Variants in CDKN1C observed in about 807,000 individuals in gnomAD.
CDKN1C encodes cyclin dependent kinase inhibitor 1C.
A neutral mutation model predicts 16.5 loss-of-function variants in CDKN1C; 7 were observed. The ratio of observed to expected loss-of-function variants is 0.42; its 90% confidence interval spans 0.24 to 0.80. The LOEUF (loss-of-function observed/expected upper bound fraction) is 0.80, where lower values mean the gene tolerates loss of function less well. Among genes scored for constraint, CDKN1C ranks in the 30% least tolerant of loss-of-function variants. CDKN1C has a pLI of 0.26. For synonymous variants in CDKN1C, 288 were observed against 214.4 expected, an observed-to-expected ratio of 1.34 and a Z score of -3.00; for missense variants, 429 against 437.3, an observed-to-expected ratio of 0.98 and a Z score of 0.17.
chr11:2,885,645 G>C lies in CDKN1C; in HGVS notation c.-22C>G. ...GACGCGGCGGCTACCTGGCTGTCCG[G>C]TGGTGGACTCTTCTGCGTCGGGTTC... On this transcript the variant is annotated 5_prime_UTR_variant, in exon 1 of 4. Transcript: ENST00000440480. 1.1e-6 allele frequency: 1 copy of C among 885,770 alleles called. No homozygotes were observed. The highest frequency in any genetic ancestry group is 1.7e-6 in the Non-Finnish European group (1 of 583,584). The allele number at this position is 885,770 out of a possible 1,614,324, so 54.9% of individuals were successfully genotyped here.
In CDKN1C at chr11:2,885,045, G is replaced by A. The variant is rs1590150454; in HGVS notation, c.412C>T (p.Pro138Ser). Residue 138 changes from proline to serine, a missense_variant, in exon 2 of 4, where the codon CCC (proline) becomes TCC (serine). By Grantham distance (74) the Pro-to-Ser change is moderately conservative. Coordinates refer to ENST00000440480, the MANE Select transcript of CDKN1C (RefSeq NM_001122630.2). Reference protein sequence around the residue: ...VPVPAPASTPPPVPVLAPAPA... With the variant: ...VPVPAPASTPSPVPVLAPAPA... ...GCTGGAGCCAGGACCGGGACTGGGG[G>A]CGGGGTGGACGCCGGGGCCGGGACC... The A allele has an allele frequency of 3.7e-6, 5 of 1,334,304 alleles. No individual in the cohort carries two copies. The highest frequency in any genetic ancestry group is 4.1e-5 in the Admixed American group (1 of 24,458). 82.7% of individuals were successfully genotyped at this position (1,334,304 alleles called of 1,614,324 possible). A position where few individuals can be genotyped will look rare whatever the true frequency, so the allele number is the denominator to read the frequency against.
Position 2,884,935 on chromosome 11 carries a change from A to C in CDKN1C, c.522T>G (p.Ala174=), listed in dbSNP as rs191294997. Reference sequence around the variant, plus strand: ...GAGCCGGGGCCGGAGCCGGAGCCGGAGCCGGGGCCGGGGCCGGGGCCAGGA... The same window carrying C: ...GAGCCGGGGCCGGAGCCGGAGCCGGCGCCGGGGCCGGGGCCGGGGCCAGGA... ...VAVLAPAPAP[A]PAPAPAPAPV... The change falls in exon 2 of 4, where the codon GCT becomes GCG. Residue 174 remains alanine (A), a synonymous_variant. Transcript: ENST00000440480. 1 of 900,958 alleles carries C rather than the reference A, an allele frequency of 1.1e-6. No homozygotes were observed. The highest frequency in any genetic ancestry group is 1.4e-6 in the Non-Finnish European group (1 of 728,954). The allele number at this position is 900,958 out of a possible 1,614,324, so 55.8% of individuals were successfully genotyped here. A position where few individuals can be genotyped will look rare whatever the true frequency, so the allele number is the denominator to read the frequency against.
rs878853628 is a variant in CDKN1C at position 2,884,965 on chromosome 11, G to C, written c.492C>G (p.Val164=). 1.1e-5 allele frequency: 12 copies of C among 1,054,872 alleles called. No individual in the cohort carries two copies. In the South Asian group the frequency reaches 3.2e-4, roughly 28 times the overall value. The allele number at this position is 1,054,872 out of a possible 1,614,324, so 65.3% of individuals were successfully genotyped here. The change falls in exon 2 of 4, where the codon GTC becomes GTG. Residue 164 remains valine (V), a synonymous_variant. Coordinates refer to ENST00000440480, the MANE Select transcript of CDKN1C (RefSeq NM_001122630.2). ...VAAPVAAPVA[V]AVLAPAPAPA... ...GGGCCGGGGCCGGGGCCAGGACCGC[G>C]ACCGCGACCGGAGCCGCGACCGGAG...
chr11:2,885,337 G>A lies in CDKN1C; in HGVS notation c.120C>T (p.Ala40=), dbSNP rs776240688. The A allele has an allele frequency of 6.3e-7, 1 of 1,596,688 alleles. No individual in the cohort carries two copies. Among genetic ancestry groups the A allele is most frequent in the Non-Finnish European group, 8.5e-7 (1 of 1,173,652 alleles). ...ELSRELQARL[A]ELNAEDQNRW... is the part of the protein sequence containing the mutation. ...GGTTCTGGTCCTCGGCGTTCAGCTC[G>A]GCCAGGCGGGCCTGCAGCTCGCGGC... is the stretch of plus-strand genomic sequence containing the variant. Residue 40 remains alanine, a synonymous_variant, in exon 2 of 4, where the codon GCC becomes GCT. Coordinates refer to ENST00000440480, the MANE Select transcript of CDKN1C (RefSeq NM_001122630.2).
rs1848917841 is a variant in CDKN1C, at chr11:2,884,709, CGTTGGCGCTGGCGGCCGCGGT to C, written c.727_747del (p.Thr243_Asn249del). The C allele has an allele frequency of 4.7e-6, 7 of 1,498,390 alleles. No individual in the cohort carries two copies. Among genetic ancestry groups the C allele is most frequent in the Non-Finnish European group, 6.2e-6 (7 of 1,127,848 alleles). 92.8% of individuals were successfully genotyped at this position (1,498,390 alleles called of 1,614,324 possible). ...CCGGACAGCTTCTTGATCGCCGCGC[CGTTGGCGCTGGCGGCCGCGGT>C]GCCGGCCGCGGGACGTCCCGAAATC... On this transcript the variant is annotated inframe_deletion, in exon 2 of 4. Coordinates refer to ENST00000440480, the MANE Select transcript of CDKN1C (RefSeq NM_001122630.2).
Position 2,885,228 on chromosome 11 carries a change from G to A in CDKN1C, c.229C>T (p.Pro77Ser). The change falls in exon 2 of 4, where the codon CCC becomes TCC. Residue 77 changes from proline (P) to serine (S), a missense_variant. By Grantham distance (74) the Pro-to-Ser change is moderately conservative (BLOSUM62 -1). Transcript: ENST00000440480. ...TGCACCGTCTCGCGGTAGAACGCGG[G>A]CACCGAGTCGCTGTCCACTTCGGTC... is the stretch of plus-strand genomic sequence containing the variant. ...QWTEVDSDSV[P>S]AFYRETVQVG... The A allele has an allele frequency of 6.5e-7, 1 of 1,549,988 alleles. No individual in the cohort carries two copies. Among genetic ancestry groups the A allele is most frequent in the Non-Finnish European group, 8.7e-7 (1 of 1,149,732 alleles).
At chr11:2,884,256 A>G (rs1848891970) in intron 2 of CDKN1C, 122 bp from the exon 3 acceptor site, 23 of 551,690 alleles carry the variant, frequency 4.2e-5, no homozygotes, top group Non-Finnish European at 5.4e-5. Flanking sequence ...GCCCGCGCCG[A>G]GGTCCGCGGC....
At position 2,884,640 on chromosome 11, in the gene CDKN1C, C is replaced by A. The variant is rs1240255670; in HGVS notation, c.787+30G>T. 3.3e-6 allele frequency: 4 copies of A among 1,210,822 alleles called. No individual in the cohort carries two copies. The South Asian group carries it at 1.2e-4, about 37-fold the overall frequency. 75.0% of individuals were successfully genotyped at this position (1,210,822 alleles called of 1,614,324 possible). A position where few individuals can be genotyped will look rare whatever the true frequency, so the allele number is the denominator to read the frequency against. On this transcript the variant is annotated intron_variant, in intron 2 of 3. Coordinates refer to ENST00000440480, the MANE Select transcript of CDKN1C (RefSeq NM_001122630.2). Reference sequence around the variant, plus strand: ...CCGGCCGGACAAAGCGGGGCCGGGCCGGGCCGGGGCGGGGCCGTGCGGGGC... The same window carrying A: ...CCGGCCGGACAAAGCGGGGCCGGGCAGGGCCGGGGCGGGGCCGTGCGGGGC...
chr11:2,884,025 G>T lies in CDKN1C; in HGVS notation c.897C>A (p.Thr299=), dbSNP rs1405293895. The T allele has an allele frequency of 1.9e-6, 3 of 1,558,270 alleles. No homozygotes were observed. Among genetic ancestry groups the T allele is most frequent in the Non-Finnish European group, 1.7e-6 (2 of 1,151,910 alleles). The part of the protein sequence containing the change: ...AAPGVGSVEQ[T]PRKRLR ...TGGCTCACCGCAGCCTCTTGCGCGG[G>T]GTCTGCTCCACCGAGCCCACGCCAG... is the stretch of plus-strand genomic sequence containing the variant. Residue 299 remains threonine (T), a synonymous_variant, in exon 3 of 4, where the codon ACC becomes ACA. Transcript: ENST00000440480.
At position 2,883,614 on chromosome 11, in the gene CDKN1C, CCTTT is replaced by C. The variant is rs1175441665; in HGVS notation, c.*303_*306del. On this transcript the variant is annotated 3_prime_UTR_variant, in exon 4 of 4. Coordinates refer to ENST00000440480, the MANE Select transcript of CDKN1C (RefSeq NM_001122630.2). ...AATATACATGGTTTTTTTATTTTTT[CCTTT>C]TTTTTTTCTTTTTTCTTTTTTTTGC... The C allele has an allele frequency of 8.7e-6, 5 of 573,268 alleles. No individual in the cohort carries two copies. The highest frequency in any genetic ancestry group is 5.3e-6 in the Non-Finnish European group (2 of 374,242). The allele number at this position is 573,268 out of a possible 1,614,324, so 35.5% of individuals were successfully genotyped here. A position where few individuals can be genotyped will look rare whatever the true frequency, so the allele number is the denominator to read the frequency against.
Position 2,884,567 on chromosome 11 carries a change from G to T in CDKN1C, c.787+103C>A, listed in dbSNP as rs1016927638. 6.5e-5 allele frequency: 40 copies of T among 614,044 alleles called. No individual in the cohort carries two copies. In the Admixed American group the frequency reaches 1.9e-3, roughly 29 times the overall value. The allele number at this position is 614,044 out of a possible 1,614,324, so 38.0% of individuals were successfully genotyped here. A position where few individuals can be genotyped will look rare whatever the true frequency, so the allele number is the denominator to read the frequency against. ...AGCGCTGCGGGCCCTTTAATGCCAC[G>T]GGAGGAGGCGGGAACCCAGCGAGGC... On this transcript the variant is annotated intron_variant, in intron 2 of 3. Transcript: ENST00000440480.
At position 2,884,896 on chromosome 11, in the gene CDKN1C, C is replaced by G. The variant is rs1848937184; in HGVS notation, c.561G>C (p.Pro187=). The change falls in exon 2 of 4, where the codon CCG becomes CCC. Residue 187 remains proline (P), a synonymous_variant. Coordinates refer to ENST00000440480, the MANE Select transcript of CDKN1C (RefSeq NM_001122630.2). ...PAPAPAPVAA[P]APAPAPAPAP... is the part of the protein sequence containing the mutation. ...CCGGGGCCGGGGCCGGGGCTGGGGC[C>G]GGGGCCGCGACTGGAGCCGGGGCCG... 1 of 881,458 alleles carries G rather than the reference C, an allele frequency of 1.1e-6. No individual in the cohort carries two copies. The highest frequency in any genetic ancestry group is 1.9e-5 in the African/African-American group (1 of 53,436). 54.6% of individuals were successfully genotyped at this position (881,458 alleles called of 1,614,324 possible).
Position 2,885,645 on chromosome 11 carries a change from G to A in CDKN1C, c.-22C>T, listed in dbSNP as rs1848992450. On this transcript the variant is annotated 5_prime_UTR_variant, in exon 1 of 4. Transcript: ENST00000440480. ...GACGCGGCGGCTACCTGGCTGTCCG[G>A]TGGTGGACTCTTCTGCGTCGGGTTC... 2.3e-6 allele frequency: 2 copies of A among 885,652 alleles called. No individual in the cohort carries two copies. The highest frequency in any genetic ancestry group is 4.8e-5 in the Admixed American group (2 of 41,422). 54.9% of individuals were successfully genotyped at this position (885,652 alleles called of 1,614,324 possible). A position where few individuals can be genotyped will look rare whatever the true frequency, so the allele number is the denominator to read the frequency against.
Position 2,884,037 on chromosome 11 carries a change from C to T in CDKN1C, c.885G>A (p.Ser295=), listed in dbSNP as rs1060503861. 1.3e-6 allele frequency: 2 copies of T among 1,557,092 alleles called. No individual in the cohort carries two copies. Among genetic ancestry groups the T allele is most frequent in the Non-Finnish European group, 8.7e-7 (1 of 1,151,214 alleles). Reference sequence around the variant, plus strand: ...GCCTCTTGCGCGGGGTCTGCTCCACCGAGCCCACGCCAGGGGCGGCGCTTG... The same window carrying T: ...GCCTCTTGCGCGGGGTCTGCTCCACTGAGCCCACGCCAGGGGCGGCGCTTG... ...PSPSAAPGVG[S]VEQTPRKRLR Residue 295 remains serine (S), a synonymous_variant, in exon 3 of 4, where the codon TCG becomes TCA. Coordinates refer to ENST00000440480, the MANE Select transcript of CDKN1C (RefSeq NM_001122630.2).
Position 2,884,667 on chromosome 11 carries a change from C to T in CDKN1C, c.787+3G>A. 1 of 1,364,098 alleles carries T rather than the reference C, an allele frequency of 7.3e-7. No individual in the cohort carries two copies. The highest frequency in any genetic ancestry group is 1.6e-5 in the South Asian group (1 of 61,594). The allele number at this position is 1,364,098 out of a possible 1,614,324, so 84.5% of individuals were successfully genotyped here. ...GGCCGGGGCGGGGCCGTGCGGGGCT[C>T]ACCGGAGATCAGAGGCCCGGACAGC... On this transcript the variant is annotated splice_donor_region_variant and intron_variant, in intron 2 of 3. Transcript: ENST00000440480.
intron 2 of CDKN1C, 78 bp from the exon 3 acceptor site, chr11:2,884,212 G>C (rs1848889390): frequency 1.7e-6 from 2 of 1,145,852 alleles, no homozygotes; most frequent in Non-Finnish European, 2.2e-6. Context: ...GAGGGCGCGG[G>C]GCGCGGGCCG....
At chr11:2,884,207 C>A in intron 2 of CDKN1C, 73 bp from the exon 3 acceptor site, 4 of 1,169,102 alleles carry the variant, frequency 3.4e-6, no homozygotes, top group Non-Finnish European at 4.2e-6. Flanking sequence ...CGGGAGAGGG[C>A]GCGGGGCGCG....
rs529326848 is a variant in CDKN1C at position 2,884,890 on chromosome 11, T to C, written c.567A>G (p.Pro189=). Residue 189 remains proline (P), a synonymous_variant, in exon 2 of 4, where the codon CCA becomes CCG. Coordinates refer to ENST00000440480, the MANE Select transcript of CDKN1C (RefSeq NM_001122630.2). ...CCGGGGCCGGGGCCGGGGCCGGGGC[T>C]GGGGCCGGGGCCGCGACTGGAGCCG... is the stretch of plus-strand genomic sequence containing the variant. ...PAPAPVAAPA[P]APAPAPAPAP... 8.8e-3 allele frequency: 6,525 copies of C among 741,352 alleles called. 206 individuals carry two copies. The African/African-American group carries it at 0.11, about 12-fold the overall frequency. 45.9% of individuals were successfully genotyped at this position (741,352 alleles called of 1,614,324 possible).
rs541918893 is a variant in CDKN1C, at chr11:2,883,955, C to T, written c.*6-40G>A. 3.7e-4 allele frequency: 582 copies of T among 1,569,676 alleles called. 1 individual carries two copies. Among genetic ancestry groups the T allele is most frequent in the South Asian group, 2.7e-3 (233 of 86,488 alleles). On this transcript the variant is annotated intron_variant, in intron 3 of 3. Transcript: ENST00000440480. ...GCGGTCAGCAAAGCCGGCGGGGACC[C>T]GGCGGGTCGGCCCTCCGCGCCCCCC...
Sources: allele counts gnomAD v4.1 joint callset, GRCh38; gene constraint gnomAD v4.1.1; transcripts MANE v1.5; gene names NCBI Gene and HGNC (gene_info 2026-07-23, HGNC 2026-07-21).